Variants in MEX3C observed in about 807,000 individuals in gnomAD.
The protein encoded by MEX3C is RNA-binding E3 ubiquitin-protein ligase MEX3C.
Under a neutral mutation model 35.5 loss-of-function variants are expected in MEX3C, and 15 were observed. That is an observed-to-expected ratio of 0.42 (90% CI 0.28 to 0.65). The LOEUF (loss-of-function observed/expected upper bound fraction) is 0.65, where lower values mean the gene tolerates loss of function less well. Among genes scored for constraint, MEX3C ranks in the 30% least tolerant of loss-of-function variants. The probability of loss-of-function intolerance (pLI) is 0.20; values close to 1 mark genes in which losing one functional copy is unlikely to be tolerated. For missense variants in MEX3C, 711 were observed against 842.8 expected (o/e 0.84, Z 1.94); for synonymous variants, 390 against 352.8 (o/e 1.11, Z -1.18).
At chr18:51,193,481 A>G (rs1912701712) in intron 1 of MEX3C, 1 of 152,200 alleles carries the variant, frequency 6.6e-6, no homozygotes, top group African/African-American at 2.4e-5. Flanking sequence ...CCTGCTGACT[A>G]AAATTAGACC....
chr18:51,174,551 T>C lies in MEX3C; in HGVS notation c.*1800A>G, dbSNP rs1409920378. On this transcript the variant is annotated 3_prime_UTR_variant, in exon 2 of 2. Coordinates refer to ENST00000406189, the MANE Select transcript of MEX3C (RefSeq NM_016626.5). ...ATGAAAAACACCAAGGAGAATACATTCAAGTTAATGGAAACAAGTCTTTAT... is the reference window on the plus strand; with the variant it reads ...ATGAAAAACACCAAGGAGAATACATCCAAGTTAATGGAAACAAGTCTTTAT... 2 of 152,590 alleles carry C rather than the reference T, an allele frequency of 1.3e-5. No homozygotes were observed. Among genetic ancestry groups the C allele is most frequent in the Non-Finnish European group, 2.9e-5 (2 of 68,020 alleles). 9.5% of individuals were successfully genotyped at this position (152,590 alleles called of 1,614,324 possible). A position where few individuals can be genotyped will look rare whatever the true frequency, so the allele number is the denominator to read the frequency against.
rs1319071103 is a variant in MEX3C at position 51,174,863 on chromosome 18, ATTAG to A, written c.*1484_*1487del. 2 of 152,670 alleles carry A rather than the reference ATTAG, an allele frequency of 1.3e-5. No homozygotes were observed. The allele number at this position is 152,670 out of a possible 1,614,324, so 9.5% of individuals were successfully genotyped here. A position where few individuals can be genotyped will look rare whatever the true frequency, so the allele number is the denominator to read the frequency against. On this transcript the variant is annotated 3_prime_UTR_variant, in exon 2 of 2. Coordinates refer to ENST00000406189, the MANE Select transcript of MEX3C (RefSeq NM_016626.5). ...CTAATATATGTCGATTCCTTGGCTT[ATTAG>A]TTGCAGTGTACAATGCAACAAAATA...
chr18:51,195,129 G>C (rs1424186958), intron 1 of MEX3C: 1 of 152,174 alleles, frequency 6.6e-6, no homozygotes, highest in African/African-American at 2.4e-5. Context: ...CGATTCCTCA[G>C]TGTTCTTACA....
chr18:51,184,135 G>T (rs1912485419), intron 1 of MEX3C, among the ~76,000 whole-genome samples: 1 of 152,156 alleles, frequency 6.6e-6, no homozygotes, highest in African/African-American at 2.4e-5. Flanking sequence ...AGGAACTTCA[G>T]GTGTCTTCTA....
intron 1 of MEX3C, among the ~76,000 whole-genome samples, chr18:51,185,307 C>T (rs775716917): frequency 2.0e-4 from 31 of 152,182 alleles, no homozygotes; most frequent in Non-Finnish European, 4.0e-4. Flanking sequence ...TGGCTTGTGA[C>T]TCATCTTCAG....
At chr18:51,189,072 A>G (rs1912600760) in intron 1 of MEX3C, among the ~76,000 whole-genome samples, 1 of 152,222 alleles carries the variant, frequency 6.6e-6, no homozygotes, top group South Asian at 2.1e-4. Flanking sequence ...CGGTGGAATT[A>G]AGAATGGATT....
At chr18:51,178,782 C>T (rs973796401) in intron 1 of MEX3C, among the ~76,000 whole-genome samples, 1 of 151,362 alleles carries the variant, frequency 6.6e-6, no homozygotes, top group African/African-American at 2.4e-5. Context: ...ATTGCTCGAA[C>T]CCGGGGGACA....
intron 1 of MEX3C, among the ~76,000 whole-genome samples, chr18:51,188,252 C>T (rs1168493644): frequency 6.6e-6 from 1 of 152,186 alleles, no homozygotes; most frequent in East Asian, 1.9e-4. Flanking sequence ...CAAGTAGCAT[C>T]TACTGTACTT....
intron 1 of MEX3C, among the ~76,000 whole-genome samples, chr18:51,190,088 A>C (rs933061412): frequency 1.3e-5 from 2 of 152,158 alleles, no homozygotes; most frequent in Non-Finnish European, 2.9e-5. Context: ...TGATCCTCAC[A>C]ACAAATGAGG....
chr18:51,195,838 G>A (rs572108458), intron 1 of MEX3C: 1 of 152,332 alleles, frequency 6.6e-6, no homozygotes, highest in African/African-American at 2.4e-5. Flanking sequence ...AGAATTAACT[G>A]AAAACTGTAT....
rs548860907 is a variant in MEX3C, at chr18:51,175,159, C to T, written c.*1192G>A. The T allele has an allele frequency of 4.1e-4, 62 of 152,060 alleles. No homozygotes were observed. Among genetic ancestry groups the T allele is most frequent in the African/African-American group, 1.4e-3 (56 of 41,348 alleles). 9.4% of individuals were successfully genotyped at this position (152,060 alleles called of 1,614,324 possible). A position where few individuals can be genotyped will look rare whatever the true frequency, so the allele number is the denominator to read the frequency against. ...CATAGGATTTCAATTTTCATTATAC[C>T]GAGAAAAAAGCTCTTTTGTGTTGGG... On this transcript the variant is annotated 3_prime_UTR_variant, in exon 2 of 2. Coordinates refer to ENST00000406189, the MANE Select transcript of MEX3C (RefSeq NM_016626.5).
chr18:51,193,860 A>C (rs1387249937), intron 1 of MEX3C: 2 of 152,198 alleles, frequency 1.3e-5, no homozygotes, highest in African/African-American at 2.4e-5. Flanking sequence ...AGTCTATGTG[A>C]CTCAGAATTC....
At position 51,177,638 on chromosome 18, in the gene MEX3C, A is replaced by T; in HGVS notation, c.755-62T>A. The T allele has an allele frequency of 6.7e-7, 1 of 1,485,976 alleles. No homozygotes were observed. The highest frequency in any genetic ancestry group is 9.0e-7 in the Non-Finnish European group (1 of 1,111,918). The allele number at this position is 1,485,976 out of a possible 1,614,324, so 92.0% of individuals were successfully genotyped here. A position where few individuals can be genotyped will look rare whatever the true frequency, so the allele number is the denominator to read the frequency against. ...TACTTCAATGATATATATAAAGACA[A>T]ATCACAGAATGCACCTTTTAAGCTA... On this transcript the variant is annotated intron_variant, in intron 1 of 1. Coordinates refer to ENST00000406189, the MANE Select transcript of MEX3C (RefSeq NM_016626.5). The surrounding 1 kb of genome is among the most constrained non-coding windows in gnomAD (Gnocchi z 4.2).
At chr18:51,179,577 G>A (rs1912382398) in intron 1 of MEX3C, among the ~76,000 whole-genome samples, 1 of 137,286 alleles carries the variant, frequency 7.3e-6, no homozygotes, top group African/African-American at 2.7e-5. Flanking sequence ...AGATTTTGGA[G>A]CTCTAAAACA....
intron 1 of MEX3C, among the ~76,000 whole-genome samples, chr18:51,183,612 A>C (rs1230687898): frequency 2.0e-5 from 3 of 152,160 alleles, no homozygotes; most frequent in African/African-American, 7.2e-5. Flanking sequence ...TTACAATCCA[A>C]ATCAGTTCAG....
rs199718216 is a variant in MEX3C at position 51,176,309 on chromosome 18, C to T, written c.*42G>A. The T allele has an allele frequency of 2.0e-4, 307 of 1,505,152 alleles. No homozygotes were observed. Among genetic ancestry groups the T allele is most frequent in the Non-Finnish European group, 2.4e-4 (270 of 1,119,648 alleles). 93.2% of individuals were successfully genotyped at this position (1,505,152 alleles called of 1,614,324 possible). A position where few individuals can be genotyped will look rare whatever the true frequency, so the allele number is the denominator to read the frequency against. On this transcript the variant is annotated 3_prime_UTR_variant, in exon 2 of 2. Transcript: ENST00000406189. ...GGGTACCATTATACCCATGCCTTTA[C>T]GAGTCCATATAGAGATATAGTATTT...
intron 1 of MEX3C, among the ~76,000 whole-genome samples, chr18:51,191,304 A>G (rs1912644177): frequency 6.6e-6 from 1 of 152,118 alleles, no homozygotes; most frequent in South Asian, 2.1e-4. Flanking sequence ...TTACTTCCGG[A>G]TCTAACATTT....
chr18:51,182,678 G>A (rs959395999), intron 1 of MEX3C, among the ~76,000 whole-genome samples: 3 of 152,040 alleles, frequency 2.0e-5, no homozygotes, highest in African/African-American at 7.3e-5. Context: ...GCTTCTCCAG[G>A]GTAAATAAAG....
intron 1 of MEX3C, 140 bp downstream of exon 1, chr18:51,196,427 C>T (rs1912788545): frequency 1.4e-6 from 2 of 1,425,376 alleles, no homozygotes; most frequent in South Asian, 3.0e-5. Context: ...TCTGGTCGAC[C>T]CTCGGCTCCT....
Sources: gnomAD v4.1 joint callset for allele counts (sites outside exome capture counted in the v4.1 genomes callset) on GRCh38, gnomAD v4.1.1 for gene constraint, Gnocchi (gnomAD v3.1) non-coding constraint, MANE v1.5 for transcripts, NCBI Gene and HGNC (gene_info 2026-07-23, HGNC 2026-07-21) for gene names.